RASA1: variants seen among roughly 807,000 people sequenced by gnomAD.
RASA1 encodes ras GTPase-activating protein 1.
A neutral mutation model predicts 132.2 loss-of-function variants in RASA1; 25 were observed. That is an observed-to-expected ratio of 0.19 (90% confidence interval 0.14 to 0.26). RASA1 has a LOEUF of 0.26. RASA1 is among the 10% of genes least tolerant of loss of function. RASA1 has a pLI of 1.00. For missense variants in RASA1, 964 were observed against 1,299.2 expected (o/e 0.74, Z 3.97); for synonymous variants, 477 against 449.9 (o/e 1.06, Z -0.76).
At chr5:87,271,452 CT>C (rs201918763) in intron 1 of RASA1, among the ~76,000 whole-genome samples, 1,813 of 38,182 alleles carry the variant, frequency 0.047, no homozygotes, top group Non-Finnish European at 0.066. Context: ...TAGTAGACTT[CT>C]TTTTTTTTTT....
At chr5:87,275,244 C>T (rs1754013492) in intron 1 of RASA1, among the ~76,000 whole-genome samples, 1 of 152,100 alleles carries the variant, frequency 6.6e-6, no homozygotes, top group Non-Finnish European at 1.5e-5. Flanking sequence ...CAATGGTTAC[C>T]ACTGACATTT....
At chr5:87,285,580 CTTTT>C (rs1296643851) in intron 1 of RASA1, among the ~76,000 whole-genome samples, 1 of 145,864 alleles carries the variant, frequency 6.9e-6, no homozygotes, top group African/African-American at 2.5e-5. Flanking sequence ...TATTTAAAAA[CTTTT>C]TTTTAAGATT....
chr5:87,345,264 TAG>T (rs776891638), intron 6 of RASA1, among the ~76,000 whole-genome samples: 15 of 152,202 alleles, frequency 9.9e-5, no homozygotes, highest in Non-Finnish European at 1.8e-4. Context: ...GAAAACTCTT[TAG>T]AAAGAGATAT....
chr5:87,377,165 T>C (rs536452761), intron 17 of RASA1, 125 bp downstream of exon 17: 450 of 1,289,870 alleles, frequency 3.5e-4, no homozygotes, highest in Non-Finnish European at 4.7e-4. Context: ...TTATTCTGTT[T>C]TCCCTCCTTA....
chr5:87,326,195 C>G (rs1275256234), intron 1 of RASA1, among the ~76,000 whole-genome samples: 1 of 152,162 alleles, frequency 6.6e-6, no homozygotes, highest in Non-Finnish European at 1.5e-5. Flanking sequence ...TGGTCATGAA[C>G]TCCTGGGTTC....
rs747841110 is a variant in RASA1, at chr5:87,379,819, A to G, written c.2572A>G (p.Lys858Glu). Residue 858 changes from lysine to glutamate, a missense_variant, in exon 19 of 25, where the codon AAA (lysine) becomes GAA (glutamate). Coordinates refer to ENST00000274376, the MANE Select transcript of RASA1 (RefSeq NM_002890.3). ...LLNILSELVE[K>E]IFMASEILPP... ...GAACATACTTTCAGAGCTTGTGGAG[A>G]AAATATTCATGGCTTCAGAAATACT... 6.2e-7 allele frequency: 1 copy of G among 1,612,858 alleles called. No individual in the cohort carries two copies. The highest frequency in any genetic ancestry group is 8.5e-7 in the Non-Finnish European group (1 of 1,179,132).
chr5:87,377,899 T>C (rs1761434781), intron 17 of RASA1, among the ~76,000 whole-genome samples: 1 of 152,222 alleles, frequency 6.6e-6, no homozygotes, highest in Non-Finnish European at 1.5e-5. Flanking sequence ...GTGGTCCTTA[T>C]TTTACACTTG....
At chr5:87,389,256 G>A (rs949340674) in intron 23 of RASA1, 137 bp from the exon 24 acceptor site, 18 of 1,074,748 alleles carry the variant, frequency 1.7e-5, no homozygotes, top group East Asian at 8.8e-5. Flanking sequence ...GCTTGAACCC[G>A]GGAGGCGGAG....
At chr5:87,370,835 G>T (rs374062158) in intron 12 of RASA1, among the ~76,000 whole-genome samples, 2 of 152,126 alleles carry the variant, frequency 1.3e-5, no homozygotes, top group African/African-American at 4.8e-5. Context: ...TGAGGAAGAT[G>T]CTCTTAAAAC....
chr5:87,323,736 C>G (rs1396258323), intron 1 of RASA1, among the ~76,000 whole-genome samples: 1 of 150,116 alleles, frequency 6.7e-6, no homozygotes, highest in Non-Finnish European at 1.5e-5. Flanking sequence ...TTTGCCTGTG[C>G]TTTTTCCCAC....
intron 1 of RASA1, among the ~76,000 whole-genome samples, chr5:87,273,747 G>T (rs542784187): frequency 1.3e-5 from 2 of 150,396 alleles, no homozygotes; most frequent in Non-Finnish European, 3.0e-5. Context: ...ACCCAGGGTG[G>T]TGTGCAGTAG....
chr5:87,325,715 A>G (rs967536586), intron 1 of RASA1, among the ~76,000 whole-genome samples: 2 of 152,208 alleles, frequency 1.3e-5, no homozygotes, highest in African/African-American at 4.8e-5. Context: ...TTCTTTTTAT[A>G]AAAGGAACTC....
chr5:87,275,390 A>G (rs940282103), intron 1 of RASA1, among the ~76,000 whole-genome samples: 1 of 152,168 alleles, frequency 6.6e-6, no homozygotes, highest in African/African-American at 2.4e-5. Flanking sequence ...CCTTGATTCT[A>G]AAATTTGTGT....
chr5:87,333,156 T>C, intron 3 of RASA1, 111 bp from the exon 4 acceptor site: 1 of 1,461,342 alleles, frequency 6.8e-7, no homozygotes, highest in East Asian at 2.5e-5. Flanking sequence ...ATTTGAATGA[T>C]CCCATGGAGT....
chr5:87,300,861 A>C (rs2112284282), intron 1 of RASA1, among the ~76,000 whole-genome samples: 1 of 152,342 alleles, frequency 6.6e-6, no homozygotes, highest in East Asian at 1.9e-4. Context: ...AAAACTACAT[A>C]TGCCAAAGAG....
chr5:87,379,173 C>T (rs1414945422), intron 18 of RASA1, among the ~76,000 whole-genome samples: 1 of 152,150 alleles, frequency 6.6e-6, no homozygotes, highest in Non-Finnish European at 1.5e-5. Flanking sequence ...ACGAAGGTGT[C>T]GATTCATACT....
chr5:87,318,724 A>G (rs1756536425), intron 1 of RASA1: 2 of 152,178 alleles, frequency 1.3e-5, no homozygotes, highest in African/African-American at 4.8e-5. Flanking sequence ...GGATGGGGGT[A>G]CAGAGCCAAA....
At chr5:87,358,685 G>A (rs527924824) in intron 9 of RASA1, among the ~76,000 whole-genome samples, 2 of 152,180 alleles carry the variant, frequency 1.3e-5, no homozygotes, top group African/African-American at 4.8e-5. Flanking sequence ...CAGAATAAAA[G>A]CCAAAGTCCT....
chr5:87,269,116 G>C (rs182129079), intron 1 of RASA1, 126 bp downstream of exon 1: 3 of 1,613,610 alleles, frequency 1.9e-6, no homozygotes, highest in South Asian at 2.2e-5. Flanking sequence ...GAAGTTTCAG[G>C]TTTCTTGGGT....
Sources: allele counts gnomAD v4.1 joint callset (sites outside exome capture counted in the v4.1 genomes callset), GRCh38; gene constraint gnomAD v4.1.1; transcripts MANE v1.5; gene names NCBI Gene and HGNC (gene_info 2026-07-23, HGNC 2026-07-21).